The following PDE1A variants were observed in gnomAD, a reference collection of about 807,000 sequenced individuals.
The protein encoded by PDE1A is dual specificity calcium/calmodulin-dependent 3',5'-cyclic nucleotide phosphodiesterase 1A.
Under a neutral mutation model 61.7 loss-of-function variants are expected in PDE1A, and 35 were observed. The ratio of observed to expected loss-of-function variants is 0.57; its 90% CI spans 0.43 to 0.75. The LOEUF is 0.75. Ranked by LOEUF, PDE1A falls within the 30% of genes least tolerant of loss-of-function variation. The pLI is 0.00. For synonymous variants in PDE1A, 232 were observed against 213.2 expected, an observed-to-expected ratio of 1.09 and a Z score of -0.77; for missense variants, 597 against 630.6, an observed-to-expected ratio of 0.95 and a Z score of 0.57.
chr2:182,259,798 G>T (rs1447718890), intron 2 of PDE1A, among the ~76,000 whole-genome samples: 2 of 152,224 alleles, frequency 1.3e-5, no homozygotes, highest in Non-Finnish European at 1.5e-5. Flanking sequence ...TCAGGCAGCT[G>T]CCTGCCCTGC....
chr2:182,428,489 G>A (rs548795776), upstream of PDE1A, among the ~76,000 whole-genome samples: 49 of 152,164 alleles, frequency 3.2e-4, no homozygotes, highest in South Asian at 8.9e-3. Flanking sequence ...ACATAGTTAT[G>A]TAGTGACATC....
chr2:182,502,586 T>C (rs2125920686), intron 2 of PDE1A, among the ~76,000 whole-genome samples: 1 of 152,314 alleles, frequency 6.6e-6, no homozygotes, highest in Middle Eastern at 3.4e-3. Flanking sequence ...TTAAGGCCAC[T>C]TGAGCATCTA....
chr2:182,666,848 T>A, the PDE1A span, among the ~76,000 whole-genome samples: 4 of 152,158 alleles, frequency 2.6e-5, no homozygotes, highest in Non-Finnish European at 4.4e-5. Context: ...AGGAATAGCA[T>A]CAGTTCATAT....
chr2:182,325,311 A>G (rs1696967153), intron 1 of PDE1A, among the ~76,000 whole-genome samples: 1 of 152,210 alleles, frequency 6.6e-6, no homozygotes, highest in Admixed American at 6.5e-5. Flanking sequence ...ACATATACAA[A>G]AAGTAAAAAT....
intron 1 of PDE1A, among the ~76,000 whole-genome samples, chr2:182,327,107 A>G (rs1357044560): frequency 6.6e-6 from 1 of 152,204 alleles, no homozygotes; most frequent in Non-Finnish European, 1.5e-5. Context: ...ACACTATGGT[A>G]TATAAAACAA....
At chr2:182,501,159 G>A (rs1176881831) in intron 2 of PDE1A, among the ~76,000 whole-genome samples, 1 of 152,150 alleles carries the variant, frequency 6.6e-6, no homozygotes, top group Non-Finnish European at 1.5e-5. Context: ...TGTGAATAGA[G>A]GCACAACGAC....
At chr2:182,673,947 G>GTACTT in the PDE1A span, among the ~76,000 whole-genome samples, 9 of 148,424 alleles carry the variant, frequency 6.1e-5, no homozygotes, top group East Asian at 1.8e-3. Context: ...TAAAAATAGT[G>GTACTT]ATTCTTATAG....
the PDE1A span, among the ~76,000 whole-genome samples, chr2:182,546,062 T>C: frequency 6.6e-6 from 1 of 152,304 alleles, no homozygotes; most frequent in South Asian, 2.1e-4. Flanking sequence ...AGGAAAGTTA[T>C]TTGAATTGGT....
intron 8 of PDE1A, among the ~76,000 whole-genome samples, chr2:182,204,286 C>T (rs561032424): frequency 6.6e-6 from 1 of 152,322 alleles, no homozygotes; most frequent in East Asian, 1.9e-4. Context: ...CATCTAATCG[C>T]TACATAGCCC....
At chr2:182,181,639 C>A (rs2125375098) in intron 13 of PDE1A, among the ~76,000 whole-genome samples, 1 of 152,300 alleles carries the variant, frequency 6.6e-6, no homozygotes, top group Admixed American at 6.5e-5. Flanking sequence ...AGCCAGCAGA[C>A]AGGAAAGATT....
chr2:182,511,461 A>G (rs1574832630), intron 2 of PDE1A, among the ~76,000 whole-genome samples: 1 of 152,262 alleles, frequency 6.6e-6, no homozygotes, highest in Non-Finnish European at 1.5e-5. Flanking sequence ...GACCTCCAGA[A>G]TCCTAGCTGC....
intron 1 of PDE1A, among the ~76,000 whole-genome samples, chr2:182,424,478 C>T (rs1227989858): frequency 6.6e-6 from 1 of 152,090 alleles, no homozygotes; most frequent in African/African-American, 2.4e-5. Context: ...TCTGAAAAGT[C>T]AGGCTTGAGA....
intron 1 of PDE1A, among the ~76,000 whole-genome samples, chr2:182,328,383 A>G (rs1697183651): frequency 6.6e-6 from 1 of 152,240 alleles, no homozygotes; most frequent in South Asian, 2.1e-4. Flanking sequence ...GAAGAATAAC[A>G]TAGAAAGAAA....
At chr2:182,345,979 G>T (rs1338743056) in intron 1 of PDE1A, among the ~76,000 whole-genome samples, 1 of 152,196 alleles carries the variant, frequency 6.6e-6, no homozygotes, top group African/African-American at 2.4e-5. Context: ...TAAGTCAAAT[G>T]AAGTAACACG....
the PDE1A span, among the ~76,000 whole-genome samples, chr2:182,604,057 T>C: frequency 6.6e-6 from 1 of 152,020 alleles, no homozygotes; most frequent in Non-Finnish European, 1.5e-5. Flanking sequence ...TTTCCTAAAG[T>C]ATACATGCCC....
intron 1 of PDE1A, among the ~76,000 whole-genome samples, chr2:182,271,250 TC>T (rs1693000748): frequency 6.7e-6 from 1 of 150,034 alleles, no homozygotes; most frequent in Non-Finnish European, 1.5e-5. Context: ...AGTGTACTAA[TC>T]ATTTCACTGT....
exon 9 of PDE1A, chr2:182,201,703 A>C: frequency 6.2e-7 from 1 of 1,605,336 alleles, no homozygotes; most frequent in Non-Finnish European, 8.5e-7. Context: ...AGGCTGCTGC[A>C]AACTGTTTCT....
intron 1 of PDE1A, among the ~76,000 whole-genome samples, chr2:182,396,204 C>G (rs116638194): frequency 1.3e-3 from 191 of 152,298 alleles, no homozygotes; most frequent in African/African-American, 4.4e-3. Flanking sequence ...TTCTGCATGA[C>G]GTGCAGGCAC....
At chr2:182,678,925 A>G in the PDE1A span, among the ~76,000 whole-genome samples, 6 of 151,982 alleles carry the variant, frequency 3.9e-5, no homozygotes, top group Non-Finnish European at 8.8e-5. Flanking sequence ...TGTGTATTTC[A>G]TAATAGCTAA....
Sources: allele counts gnomAD v4.1 joint callset (sites outside exome capture counted in the v4.1 genomes callset), GRCh38; gene constraint gnomAD v4.1.1; transcripts MANE v1.5; gene names NCBI Gene and HGNC (gene_info 2026-07-23, HGNC 2026-07-21).